Variants in RARB observed in about 807,000 individuals in gnomAD.
RARB encodes retinoic acid receptor beta.
A neutral mutation model predicts 51.9 loss-of-function variants in RARB; 17 were observed. That is an observed-to-expected ratio of 0.33 (90% CI 0.22 to 0.49). RARB has a LOEUF of 0.49. Among genes scored for constraint, RARB ranks in the 20% least tolerant of loss-of-function variants. RARB has a pLI of 0.99. For synonymous variants in RARB, 215 were observed against 195.4 expected, an observed-to-expected ratio of 1.10 and a Z score of -0.84; for missense variants, 369 against 550.8, an observed-to-expected ratio of 0.67 and a Z score of 3.30.
intron 5 of RARB, among the ~76,000 whole-genome samples, chr3:25,182,891 C>T (rs1700890108): frequency 6.6e-6 from 1 of 152,062 alleles, no homozygotes; most frequent in Non-Finnish European, 1.5e-5. Context: ...AATTTAAACA[C>T]AGAGATAGAG....
intron 3 of RARB, among the ~76,000 whole-genome samples, chr3:25,071,595 A>G (rs1467316157): frequency 6.6e-6 from 1 of 152,200 alleles, no homozygotes; most frequent in Non-Finnish European, 1.5e-5. Context: ...CTAGACCACA[A>G]GGTTATATAT....
chr3:25,137,589 C>G lies in RARB; in HGVS notation c.-280+5381C>G, dbSNP rs1330865135. 3.9e-5 allele frequency among the ~76,000 whole-genome samples: 6 copies of G among 152,148 alleles called. No homozygotes were observed. In the South Asian group the frequency reaches 1.0e-3, roughly 26 times the overall value. Reference sequence around the variant, plus strand: ...CACATAGATGTTAAAGTTTGAAGAGCTTTATAAATTATAATCACTCTTATT... The same window carrying G: ...CACATAGATGTTAAAGTTTGAAGAGGTTTATAAATTATAATCACTCTTATT... On this transcript the variant is annotated intron_variant, in intron 4 of 11. Transcript: ENST00000383772.
chr3:25,271,774 C>T (rs1199773657), intron 5 of RARB, among the ~76,000 whole-genome samples: 2 of 152,168 alleles, frequency 1.3e-5, no homozygotes, highest in Non-Finnish European at 2.9e-5. Flanking sequence ...AAAATCAATG[C>T]TATCTGTACC....
At chr3:25,553,503 T>C (rs1018058060) in intron 3 of RARB, among the ~76,000 whole-genome samples, 15 of 152,212 alleles carry the variant, frequency 9.9e-5, no homozygotes, top group African/African-American at 3.6e-4. Flanking sequence ...CTTTGGATGC[T>C]TATAAAGGAA....
chr3:24,944,454 T>C (rs1038289742), intron 2 of RARB, among the ~76,000 whole-genome samples: 2 of 152,242 alleles, frequency 1.3e-5, no homozygotes, highest in Non-Finnish European at 2.9e-5. Context: ...GGCGTGTTCT[T>C]AGGCATTGCC....
chr3:24,861,394 C>T (rs935675864), intron 2 of RARB, among the ~76,000 whole-genome samples: 1 of 151,854 alleles, frequency 6.6e-6, no homozygotes, highest in Non-Finnish European at 1.5e-5. Flanking sequence ...TATTTCATAC[C>T]TTCGTTAATA....
chr3:25,410,408 G>T (rs1707528232), intron 5 of RARB, among the ~76,000 whole-genome samples: 1 of 152,120 alleles, frequency 6.6e-6, no homozygotes, highest in Non-Finnish European at 1.5e-5. Context: ...TCTGAACAAG[G>T]CAGTTCTTTT....
At chr3:25,349,400 A>G (rs969162874) in intron 5 of RARB, among the ~76,000 whole-genome samples, 4 of 152,108 alleles carry the variant, frequency 2.6e-5, no homozygotes, top group African/African-American at 9.7e-5. Flanking sequence ...CAGGGTGGGT[A>G]TTGTCACTTG....
At chr3:24,900,445 A>G (rs1314262362) in intron 2 of RARB, among the ~76,000 whole-genome samples, 1 of 152,306 alleles carries the variant, frequency 6.6e-6, no homozygotes, top group Non-Finnish European at 1.5e-5. Context: ...GAACCTTTGC[A>G]TTCATGAGTC....
chr3:25,036,636 A>G (rs1698000355), intron 2 of RARB, among the ~76,000 whole-genome samples: 1 of 152,142 alleles, frequency 6.6e-6, no homozygotes, highest in Non-Finnish European at 1.5e-5. Flanking sequence ...AGAACTGGCC[A>G]CCTGGACCTC....
chr3:24,913,041 C>T (rs958534264), intron 2 of RARB, among the ~76,000 whole-genome samples: 8 of 126,472 alleles, frequency 6.3e-5, no homozygotes, highest in South Asian at 2.6e-4. Flanking sequence ...AGTGCAGTGG[C>T]GCCTTCTCGG....
At chr3:25,450,039 C>T (rs931707107) in intron 1 of RARB, among the ~76,000 whole-genome samples, 1 of 152,236 alleles carries the variant, frequency 6.6e-6, no homozygotes, top group African/African-American at 2.4e-5. Context: ...GCTTAAGCCA[C>T]TGCGCCTGGC....
intron 4 of RARB, among the ~76,000 whole-genome samples, chr3:25,149,574 C>T (rs990582857): frequency 6.6e-6 from 1 of 152,216 alleles, no homozygotes; most frequent in Non-Finnish European, 1.5e-5. Flanking sequence ...TACTCCAGTG[C>T]TGGAATGCAA....
intron 2 of RARB, among the ~76,000 whole-genome samples, chr3:24,986,970 GGTC>G (rs60379191): frequency 4.6e-5 from 7 of 151,576 alleles, no homozygotes; most frequent in Non-Finnish European, 2.9e-5. Flanking sequence ...AGATTTCAAC[GGTC>G]GTCATCTTTC....
chr3:25,092,735 G>T (rs1000990366), intron 3 of RARB, among the ~76,000 whole-genome samples: 1 of 152,070 alleles, frequency 6.6e-6, no homozygotes, highest in Non-Finnish European at 1.5e-5. Flanking sequence ...GTCTTGCCAT[G>T]TAATTGTTAC....
intron 5 of RARB, among the ~76,000 whole-genome samples, chr3:25,321,545 C>G (rs1014076521): frequency 6.6e-6 from 1 of 151,768 alleles, no homozygotes; most frequent in Non-Finnish European, 1.5e-5. Flanking sequence ...TGGCGAAACC[C>G]CTTCTCTACT....
intron 2 of RARB, among the ~76,000 whole-genome samples, chr3:25,039,570 T>C (rs1410407328): frequency 6.6e-6 from 1 of 152,210 alleles, no homozygotes; most frequent in Non-Finnish European, 1.5e-5. Context: ...GCATAACCGA[T>C]CACACTGTGG....
intron 2 of RARB, among the ~76,000 whole-genome samples, chr3:24,976,560 T>C (rs184964183): frequency 2.0e-5 from 3 of 152,198 alleles, no homozygotes; most frequent in Admixed American, 2.0e-4. Flanking sequence ...TGGCTGCATA[T>C]ATGTCTTCTT....
At chr3:24,862,697 T>G (rs1321660702) in intron 2 of RARB, among the ~76,000 whole-genome samples, 1 of 152,176 alleles carries the variant, frequency 6.6e-6, no homozygotes, top group African/African-American at 2.4e-5. Context: ...AAGTATCCAC[T>G]GGGGGTCTTG....
Sources: gnomAD v4.1 joint callset for allele counts (sites outside exome capture counted in the v4.1 genomes callset) on GRCh38, gnomAD v4.1.1 for gene constraint, MANE v1.5 for transcripts, NCBI Gene and HGNC (gene_info 2026-07-23, HGNC 2026-07-21) for gene names.